Variants in ADCY9 observed in about 807,000 individuals in gnomAD.
The protein encoded by ADCY9 is adenylate cyclase type 9.
In ADCY9, 50 loss-of-function variants were observed where a neutral mutation model predicts 101.5. The ratio of observed to expected loss-of-function variants is 0.49; its 90% CI spans 0.39 to 0.62. The LOEUF is 0.62. Among genes scored for constraint, ADCY9 ranks in the 20% least tolerant of loss-of-function variants. The pLI is 0.00. For missense variants in ADCY9, 1,662 were observed against 1,800.4 expected, an observed-to-expected ratio of 0.92 and a Z score of 1.39; for synonymous variants, 905 against 769.3, an observed-to-expected ratio of 1.18 and a Z score of -2.92.
downstream of ADCY9, among the ~76,000 whole-genome samples, chr16:3,961,736 A>G (rs1405745196): frequency 6.6e-6 from 1 of 151,814 alleles, no homozygotes; most frequent in Non-Finnish European, 1.5e-5. Context: ...TAAATACTTA[A>G]CTTACCAGGC....
chr16:4,097,017 A>G (rs887494814), intron 2 of ADCY9, among the ~76,000 whole-genome samples: 2 of 152,188 alleles, frequency 1.3e-5, no homozygotes, highest in Non-Finnish European at 2.9e-5. Context: ...TGGTAATCAA[A>G]TAAGAATTAC....
At chr16:4,063,900 G>A (rs2056786387) in intron 2 of ADCY9, among the ~76,000 whole-genome samples, 1 of 152,148 alleles carries the variant, frequency 6.6e-6, no homozygotes, top group Non-Finnish European at 1.5e-5. Context: ...AAACAAGGAT[G>A]TCTACTCTCA....
At chr16:3,969,613 T>TATATATACGTA (rs1491520639) in intron 10 of ADCY9, among the ~76,000 whole-genome samples, 1 of 81,038 alleles carries the variant, frequency 1.2e-5, no homozygotes, top group African/African-American at 6.7e-5. Context: ...TATATATGTA[T>TATATATACGTA]TTTTTTTTTT....
chr16:3,999,309 T>G (rs1464115545), intron 3 of ADCY9, among the ~76,000 whole-genome samples: 1 of 152,154 alleles, frequency 6.6e-6, no homozygotes, highest in African/African-American at 2.4e-5. Context: ...ATCCTACCCG[T>G]GAACAAGTCG....
intron 2 of ADCY9, among the ~76,000 whole-genome samples, chr16:4,113,064 T>A (rs1426249600): frequency 6.6e-5 from 10 of 152,156 alleles, no homozygotes; most frequent in African/African-American, 2.4e-4. Context: ...CCAAATCACC[T>A]GGTGGCTGGA....
intron 2 of ADCY9, among the ~76,000 whole-genome samples, chr16:4,086,096 G>A (rs976594350): frequency 6.6e-6 from 1 of 152,016 alleles, no homozygotes; most frequent in Non-Finnish European, 1.5e-5. Flanking sequence ...GCACCAAGGG[G>A]CAGAAGGATG....
chr16:4,043,781 C>G (rs1427397359), intron 2 of ADCY9, among the ~76,000 whole-genome samples: 2 of 151,834 alleles, frequency 1.3e-5, no homozygotes, highest in African/African-American at 4.8e-5. Context: ...GAATTCATTC[C>G]AAAGTTAATT....
intron 2 of ADCY9, among the ~76,000 whole-genome samples, chr16:4,095,484 G>A (rs2056997957): frequency 6.6e-6 from 1 of 152,152 alleles, no homozygotes; most frequent in South Asian, 2.1e-4. Flanking sequence ...TAAGAACACT[G>A]TCAGTCCAGG....
rs1408053425 is a variant in ADCY9, at chr16:3,964,645, C to T, written c.*1130G>A. 5.2e-5 allele frequency: 8 copies of T among 153,018 alleles called. No homozygotes were observed. Among genetic ancestry groups the T allele is most frequent in the South Asian group, 2.1e-4 (1 of 4,842 alleles). The allele number at this position is 153,018 out of a possible 1,614,324, so 9.5% of individuals were successfully genotyped here. ...CTGGACCCCGGCAGGGAGGAGCCCC[C>T]GTGGGTGGCAGGGGCAGCTGGTGGG... On this transcript the variant is annotated 3_prime_UTR_variant, in exon 11 of 11. Transcript: ENST00000294016.
intron 2 of ADCY9, among the ~76,000 whole-genome samples, chr16:4,018,429 T>C (rs1597168610): frequency 6.6e-6 from 1 of 152,122 alleles, no homozygotes; most frequent in South Asian, 2.1e-4. Context: ...GCCAGGCTGG[T>C]CTTGAACTCC....
chr16:4,028,635 T>C lies in ADCY9; in HGVS notation c.1694-21077A>G, dbSNP rs74454106. ...ACCAGATATGATGGACCTCATGGGA[T>C]GATGGAAATGTTCTAAAACCAGATG... is the stretch of plus-strand genomic sequence containing the variant. On this transcript the variant is annotated intron_variant, in intron 2 of 10. Coordinates refer to ENST00000294016, the MANE Select transcript of ADCY9 (RefSeq NM_001116.4). 9.4e-3 allele frequency among the ~76,000 whole-genome samples: 1,435 copies of C among 152,278 alleles called. 27 individuals are homozygous for C. The highest frequency in any genetic ancestry group is 0.033 in the African/African-American group (1,364 of 41,552).
intron 2 of ADCY9, among the ~76,000 whole-genome samples, chr16:4,054,585 T>TG (rs1258287398): frequency 5.3e-5 from 8 of 151,758 alleles, no homozygotes; most frequent in Non-Finnish European, 7.4e-5. Flanking sequence ...CTTTTTTTTT[T>TG]TTTGAGACGG....
chr16:3,995,276 A>C (rs2056278024), intron 3 of ADCY9, among the ~76,000 whole-genome samples: 1 of 151,934 alleles, frequency 6.6e-6, no homozygotes, highest in African/African-American at 2.4e-5. Context: ...AAAAGCATAA[A>C]AATTAGCCTG....
rs199850891 is a variant in ADCY9, at chr16:3,966,009, G to A, written c.3828C>T (p.Asp1276=). Reference sequence around the variant, plus strand: ...CAGAAGGCACCAGGTTGGCAATCTCGTCTGTGGGAGACCGTCCGATGCTGC... The same window carrying A: ...CAGAAGGCACCAGGTTGGCAATCTCATCTGTGGGAGACCGTCCGATGCTGC... The part of the protein sequence containing the change: ...VDGSIGRSPT[D]EIANLVPSVQ... Residue 1276 remains aspartate, a synonymous_variant, in exon 11 of 11, where the codon GAC becomes GAT. Transcript: ENST00000294016. 6.3e-5 allele frequency: 101 copies of A among 1,614,196 alleles called. 1 individual carries two copies. In the East Asian group the frequency reaches 9.1e-4, roughly 15 times the overall value.
Position 4,027,188 on chromosome 16 carries a change from G to C in ADCY9, c.1694-19630C>G, listed in dbSNP as rs563635892. On this transcript the variant is annotated intron_variant, in intron 2 of 10. Coordinates refer to ENST00000294016, the MANE Select transcript of ADCY9 (RefSeq NM_001116.4). The stretch of plus-strand genomic sequence containing the variant: ...CAGAAAATTCTCTAATCAGCCACTT[G>C]CTCCTGCTCGAGCCTGCTCCCACTC... 2.6e-5 allele frequency among the ~76,000 whole-genome samples: 4 copies of C among 152,314 alleles called. No homozygotes were observed. In the South Asian group the frequency reaches 8.3e-4, roughly 32 times the overall value.
intron 2 of ADCY9, among the ~76,000 whole-genome samples, chr16:4,027,687 G>C (rs2056526270): frequency 6.6e-6 from 1 of 152,088 alleles, no homozygotes; most frequent in Non-Finnish European, 1.5e-5. Flanking sequence ...GACCAGCCTG[G>C]CCAACATGGT....
chr16:3,961,955 G>A (rs2055941774), downstream of ADCY9, among the ~76,000 whole-genome samples: 1 of 151,994 alleles, frequency 6.6e-6, no homozygotes. Flanking sequence ...GAACCCAGGA[G>A]GCAGAGGTTG....
At chr16:4,094,680 G>T (rs1038739341) in intron 2 of ADCY9, among the ~76,000 whole-genome samples, 1 of 151,906 alleles carries the variant, frequency 6.6e-6, no homozygotes, top group African/African-American at 2.4e-5. Flanking sequence ...AGACAAGCCA[G>T]AAAATAAAAT....
chr16:4,035,489 T>C (rs2056583128), intron 2 of ADCY9, among the ~76,000 whole-genome samples: 1 of 152,132 alleles, frequency 6.6e-6, no homozygotes, highest in Non-Finnish European at 1.5e-5. Context: ...AAGTCAGCCA[T>C]ACTCAATTAT....
Sources: gnomAD v4.1 joint callset for allele counts (sites outside exome capture counted in the v4.1 genomes callset) on GRCh38, gnomAD v4.1.1 for gene constraint, MANE v1.5 for transcripts, NCBI Gene and HGNC (gene_info 2026-07-23, HGNC 2026-07-21) for gene names.